UBE3A: variants seen among roughly 807,000 people sequenced by gnomAD.
The protein encoded by UBE3A is ubiquitin-protein ligase E3A.
A neutral mutation model predicts 83.4 loss-of-function variants in UBE3A; 6 were observed. The ratio of observed to expected loss-of-function variants is 0.07; its 90% CI spans 0.04 to 0.14. UBE3A has a LOEUF of 0.14. Ranked by LOEUF, UBE3A falls within the 10% of genes least tolerant of loss-of-function variation. UBE3A has a pLI of 1.00. For synonymous variants in UBE3A, 337 were observed against 355.4 expected, an observed-to-expected ratio of 0.95 and a Z score of 0.58; for missense variants, 456 against 1,036.1, an observed-to-expected ratio of 0.44 and a Z score of 7.69.
Position 25,336,649 on chromosome 15 carries a change from G to A in UBE3A, c.*2488C>T, listed in dbSNP as rs1051893898. On this transcript the variant is annotated 3_prime_UTR_variant, in exon 13 of 13. Coordinates refer to ENST00000648336, the MANE Select transcript of UBE3A (RefSeq NM_130839.5). The stretch of plus-strand genomic sequence containing the variant: ...GTTAGGATGACCAGCTCATTTGCTG[G>A]AGCTGCCAAGGTCCAGAAAAGTTTG... 2 of 152,148 alleles carry A rather than the reference G, an allele frequency of 1.3e-5. No homozygotes were observed. The highest frequency in any genetic ancestry group is 2.4e-5 in the African/African-American group (1 of 41,444). 9.4% of individuals were successfully genotyped at this position (152,148 alleles called of 1,614,324 possible). A position where few individuals can be genotyped will look rare whatever the true frequency, so the allele number is the denominator to read the frequency against.
At position 25,391,183 on chromosome 15, in the gene UBE3A, T is replaced by C. The variant is rs565732860; in HGVS notation, c.62+14278A>G. 4.6e-5 allele frequency among the ~76,000 whole-genome samples: 7 copies of C among 152,308 alleles called. No homozygotes were observed. In the South Asian group the frequency reaches 1.4e-3, roughly 32 times the overall value. The stretch of plus-strand genomic sequence containing the variant: ...AGCCTAAAAGAAAAGAAAGAAATTC[T>C]GTAATATGCTACAACACAAATGAAC... On this transcript the variant is annotated intron_variant, in intron 4 of 12. Coordinates refer to ENST00000648336, the MANE Select transcript of UBE3A (RefSeq NM_130839.5).
At chr15:25,384,405 G>C (rs1180554500) in intron 4 of UBE3A, among the ~76,000 whole-genome samples, 1 of 148,072 alleles carries the variant, frequency 6.8e-6, no homozygotes, top group Non-Finnish European at 1.5e-5. Flanking sequence ...GAGGTGCAGT[G>C]AGCCAAGATC....
At chr15:25,423,697 C>G (rs1890486197) in intron 1 of UBE3A, among the ~76,000 whole-genome samples, 1 of 152,010 alleles carries the variant, frequency 6.6e-6, no homozygotes, top group Non-Finnish European at 1.5e-5. Context: ...CTCTTTTCCC[C>G]CCACAAGCTT....
intron 1 of UBE3A, among the ~76,000 whole-genome samples, chr15:25,430,045 A>ATATATATATT (rs1892675356): frequency 8.8e-6 from 1 of 113,848 alleles, no homozygotes; most frequent in African/African-American, 3.8e-5. Context: ...ATATATATAT[A>ATATATATATT]TATATTTATA....
chr15:25,422,293 G>C (rs1215659018), intron 1 of UBE3A, among the ~76,000 whole-genome samples: 1 of 152,090 alleles, frequency 6.6e-6, no homozygotes, highest in Non-Finnish European at 1.5e-5. Context: ...CAGACAGGAA[G>C]GAACTTTTTG....
intron 6 of UBE3A, among the ~76,000 whole-genome samples, chr15:25,367,164 TATATTTACATATTTGTAAATATGTAA>T (rs1398391199): frequency 0.097 from 10,770 of 111,592 alleles, 808 homozygotes; most frequent in Middle Eastern, 0.11. Context: ...CACAAATGGG[TATATTTACATATTTGTAAATATGTAA>T]ATATTTACAT....
intron 1 of UBE3A, among the ~76,000 whole-genome samples, chr15:25,417,581 G>A (rs924872931): frequency 3.3e-5 from 5 of 151,660 alleles, no homozygotes; most frequent in African/African-American, 4.8e-5. Flanking sequence ...ATATGCTCAA[G>A]AATTCAAAAA....
At chr15:25,367,132 A>G (rs2079244487) in intron 6 of UBE3A, among the ~76,000 whole-genome samples, 1 of 150,716 alleles carries the variant, frequency 6.6e-6, no homozygotes, top group African/African-American at 2.4e-5. Flanking sequence ...AAAATGAGAA[A>G]TTATCTACTT....
intron 11 of UBE3A, among the ~76,000 whole-genome samples, chr15:25,349,546 T>C (rs2076199257): frequency 6.6e-6 from 1 of 152,192 alleles, no homozygotes; most frequent in Non-Finnish European, 1.5e-5. Context: ...GGGGAATACG[T>C]TCCAAGACCT....
At chr15:25,350,996 TG>T (rs1433566121) in intron 11 of UBE3A, among the ~76,000 whole-genome samples, 2 of 152,190 alleles carry the variant, frequency 1.3e-5, no homozygotes, top group Non-Finnish European at 2.9e-5. Context: ...GTTACATAAA[TG>T]TAATTTTTAA....
chr15:25,353,919 C>T, intron 11 of UBE3A: 1 of 232,454 alleles, frequency 4.3e-6, no homozygotes, highest in Non-Finnish European at 8.5e-6. Context: ...TAGTATGTAT[C>T]TGGACATATT....
intron 1 of UBE3A, among the ~76,000 whole-genome samples, chr15:25,424,941 G>C (rs1425639504): frequency 1.3e-5 from 2 of 152,064 alleles, no homozygotes; most frequent in Non-Finnish European, 2.9e-5. Context: ...TTCCCAAATA[G>C]ACCTACAGAT....
intron 1 of UBE3A, among the ~76,000 whole-genome samples, chr15:25,430,179 T>C (rs1260068049): frequency 1.5e-4 from 1 of 6,504 alleles, no homozygotes; most frequent in African/African-American, 5.5e-4. Flanking sequence ...ATATATATTA[T>C]ATATATAATA....
chr15:25,346,841 T>G (rs926954761), intron 11 of UBE3A: 1 of 152,186 alleles, frequency 6.6e-6, no homozygotes, highest in African/African-American at 2.4e-5. Context: ...CTCAGGTCCA[T>G]GTGGAACAGT....
At chr15:25,388,040 A>C (rs1295752146) in intron 4 of UBE3A, among the ~76,000 whole-genome samples, 1 of 152,212 alleles carries the variant, frequency 6.6e-6, no homozygotes, top group African/African-American at 2.4e-5. Flanking sequence ...ACATTTAAGG[A>C]AGAAACCACA....
intron 6 of UBE3A, among the ~76,000 whole-genome samples, chr15:25,369,295 T>C (rs2079874335): frequency 1.3e-5 from 2 of 150,460 alleles, no homozygotes; most frequent in Non-Finnish European, 2.9e-5. Flanking sequence ...GAAAACCACC[T>C]GAGTTGCTTA....
chr15:25,420,520 G>T (rs1039764600), intron 1 of UBE3A: 3 of 151,986 alleles, frequency 2.0e-5, no homozygotes, highest in African/African-American at 7.2e-5. Context: ...GTTCTGAAAA[G>T]AATGTGAAAA....
At position 25,339,091 on chromosome 15, in the gene UBE3A, T is replaced by TTTTTTTTTCCTTCC. The variant is rs1652139811; in HGVS notation, c.*32_*45dup. 1 of 1,464,004 alleles carries TTTTTTTTTCCTTCC rather than the reference T, an allele frequency of 6.8e-7. No homozygotes were observed. Among genetic ancestry groups the TTTTTTTTTCCTTCC allele is most frequent in the Non-Finnish European group, 9.0e-7 (1 of 1,110,868 alleles). 90.7% of individuals were successfully genotyped at this position (1,464,004 alleles called of 1,614,324 possible). A position where few individuals can be genotyped will look rare whatever the true frequency, so the allele number is the denominator to read the frequency against. Reference sequence around the variant, plus strand: ...TTTTTAAAATTTTTTAAATTTTTTCTTTTTTTTTCCTTCCTTTTTTTTGTT... The same window carrying TTTTTTTTTCCTTCC: ...TTTTTAAAATTTTTTAAATTTTTTCTTTTTTTTTCCTTCCTTTTTTTTCCTTCCTTTTTTTTGTT... On this transcript the variant is annotated 3_prime_UTR_variant, in exon 13 of 13. Transcript: ENST00000648336.
chr15:25,361,352 C>A (rs1438827663), intron 6 of UBE3A, among the ~76,000 whole-genome samples: 1 of 152,066 alleles, frequency 6.6e-6, no homozygotes, highest in Admixed American at 6.6e-5. Flanking sequence ...TCTTGAACTC[C>A]TGACCTCATG....
Sources: allele counts gnomAD v4.1 joint callset (sites outside exome capture counted in the v4.1 genomes callset), GRCh38; gene constraint gnomAD v4.1.1; transcripts MANE v1.5; gene names NCBI Gene and HGNC (gene_info 2026-07-23, HGNC 2026-07-21).